Variants in GPX2 observed in about 807,000 individuals in gnomAD.
GPX2 encodes the protein glutathione peroxidase 2, also known as gastrointestinal glutathione peroxidase.
GPX2 carries 21 observed loss-of-function variants against 14.1 expected under a neutral mutation model. The ratio of observed to expected loss-of-function variants is 1.48; its 90% CI spans 1.05 to 2.14. GPX2 has a LOEUF of 2.14. GPX2 is among the 30% of genes most tolerant of loss of function. GPX2 has a pLI of 0.00. For synonymous variants in GPX2, 94 were observed against 95.2 expected (o/e 0.99, Z 0.07); for missense variants, 241 against 249.8 (o/e 0.96, Z 0.24).
chr14:64,942,522 T>G lies in GPX2; in HGVS notation c.205A>C (p.Asn69His). 2.5e-6 allele frequency: 4 copies of G among 1,614,108 alleles called. No homozygotes were observed. The highest frequency in any genetic ancestry group is 3.4e-6 in the Non-Finnish European group (4 of 1,180,012). ...CCCCTCACCTGATGTCCAAATTGGT[T>G]GCAAGGGAAGCCAAGGACCACCAGG... ...RRLVVLGFPC[N>H]QFGHQENCQN... The change falls in exon 1 of 2, where the codon AAC (asparagine) becomes CAC (histidine). Residue 69 changes from asparagine to histidine, a missense_variant. Transcript: ENST00000389614.
At chr14:64,942,439 C>T (rs1433910493) in intron 1 of GPX2, 66 bp downstream of exon 1, 2 of 1,285,846 alleles carry the variant, frequency 1.6e-6, no homozygotes, top group African/African-American at 2.9e-5. Flanking sequence ...TTCAGCCTCT[C>T]CTTTTATCCC....
In GPX2 at chr14:64,940,265, C is replaced by CCCATGCTTTGGCTGCTCTTCAAGATTT; in HGVS notation, c.223-428_223-427insAAATCTTGAAGAGCAGCCAAAGCATGG. On this transcript the variant is annotated intron_variant, in intron 1 of 1. Transcript: ENST00000389614. This position sits in a 1 kb window ranked among gnomAD's most constrained non-coding sequence, Gnocchi z 4.5. ...GTTATACTGCTTAGAACCTCCTCTTCAACTAACCTACCGACCCACCTACCC... is the reference window on the plus strand; with the variant it reads ...GTTATACTGCTTAGAACCTCCTCTTCCCATGCTTTGGCTGCTCTTCAAGATTTAACTAACCTACCGACCCACCTACCC... 1 of 981,022 alleles carries CCCATGCTTTGGCTGCTCTTCAAGATTT rather than the reference C, an allele frequency of 1.0e-6. No individual in the cohort carries two copies. Among genetic ancestry groups the CCCATGCTTTGGCTGCTCTTCAAGATTT allele is most frequent in the Non-Finnish European group, 1.4e-6 (1 of 706,790 alleles). 60.8% of individuals were successfully genotyped at this position (981,022 alleles called of 1,614,324 possible).
chr14:64,939,420 G>A lies in GPX2; in HGVS notation c.*68C>T, dbSNP rs1348601535. On this transcript the variant is annotated 3_prime_UTR_variant, in exon 2 of 2. Coordinates refer to ENST00000389614, the MANE Select transcript of GPX2 (RefSeq NM_002083.4). This position sits in a 1 kb window ranked among gnomAD's most constrained non-coding sequence, Gnocchi z 5.7. ...TGAGGTCCAGCAGTGTCTCCTGAAG[G>A]CATGCTGCATCCTAAGGCTCCTCAG... The A allele has an allele frequency of 5.8e-6, 7 of 1,203,516 alleles. No homozygotes were observed. The South Asian group carries it at 8.2e-5, about 14-fold the overall frequency. 74.6% of individuals were successfully genotyped at this position (1,203,516 alleles called of 1,614,324 possible). A position where few individuals can be genotyped will look rare whatever the true frequency, so the allele number is the denominator to read the frequency against.
Position 64,939,897 on chromosome 14 carries a change from A to G in GPX2, c.223-59T>C. On this transcript the variant is annotated intron_variant, in intron 1 of 1. Transcript: ENST00000389614. This position sits in a 1 kb window ranked among gnomAD's most constrained non-coding sequence, Gnocchi z 5.7. Reference sequence around the variant, plus strand: ...TGGGTGGGGGAAGAGAAAGATCCACAACATGAAACTCTTTCACCCTCCTAC... The same window carrying G: ...TGGGTGGGGGAAGAGAAAGATCCACGACATGAAACTCTTTCACCCTCCTAC... 6.4e-7 allele frequency: 1 copy of G among 1,572,784 alleles called. No individual in the cohort carries two copies. The highest frequency in any genetic ancestry group is 8.6e-7 in the Non-Finnish European group (1 of 1,158,558).
chr14:64,942,637 G>C lies in GPX2; in HGVS notation c.90C>G (p.Ala30=), dbSNP rs780236344. 12 of 1,614,040 alleles carry C rather than the reference G, an allele frequency of 7.4e-6. No individual in the cohort carries two copies. Among genetic ancestry groups the C allele is most frequent in the Admixed American group, 6.7e-5 (4 of 60,008 alleles). Residue 30 remains alanine, a synonymous_variant, in exon 1 of 2, where the codon GCC becomes GCG. Transcript: ENST00000389614. ...KVDFNTFRGR[A]VLIENVASLU... ...GCGAAGCCACATTCTCAATCAGCAC[G>C]GCCCTGCCCCGGAACGTATTGAAAT...
At chr14:64,941,581 T>C in intron 1 of GPX2, 1 of 1,255,368 alleles carries the variant, frequency 8.0e-7, no homozygotes, top group Non-Finnish European at 1.0e-6. Flanking sequence ...AGTGAACAGT[T>C]TGGGCTCAGG....
intron 1 of GPX2, among the ~76,000 whole-genome samples, chr14:64,942,278 A>G (rs1241239418): frequency 6.6e-6 from 1 of 152,244 alleles, no homozygotes; most frequent in African/African-American, 2.4e-5. Flanking sequence ...TCATGGAGTA[A>G]TATAGTAGAA....
chr14:64,941,501 G>C, intron 1 of GPX2: 2 of 1,288,536 alleles, frequency 1.6e-6, no homozygotes, highest in Non-Finnish European at 2.0e-6. Flanking sequence ...CTCGAAAGAG[G>C]GTTTGCTACT....
At position 64,940,184 on chromosome 14, in the gene GPX2, C is replaced by G; in HGVS notation, c.223-346G>C. On this transcript the variant is annotated intron_variant, in intron 1 of 1. Coordinates refer to ENST00000389614, the MANE Select transcript of GPX2 (RefSeq NM_002083.4). The surrounding 1 kb of genome is among the most constrained non-coding windows in gnomAD (Gnocchi z 4.5). ...CTGAGCTGTTGCTTTTGTCTCCAGTCTACCCTGAGCAGTTCTTAAGGTGTT... is the reference window on the plus strand; with the variant it reads ...CTGAGCTGTTGCTTTTGTCTCCAGTGTACCCTGAGCAGTTCTTAAGGTGTT... 2 of 1,321,726 alleles carry G rather than the reference C, an allele frequency of 1.5e-6. No individual in the cohort carries two copies. Among genetic ancestry groups the G allele is most frequent in the Non-Finnish European group, 2.0e-6 (2 of 1,010,788 alleles). 81.9% of individuals were successfully genotyped at this position (1,321,726 alleles called of 1,614,324 possible).
chr14:64,939,301 G>T lies in GPX2; in HGVS notation c.*187C>A. ...TTACCCAAGTCTTGGAGCCCAAGTT[G>T]AATCACCAACCAGAGGGTTGGGAGA... On this transcript the variant is annotated 3_prime_UTR_variant, in exon 2 of 2. Coordinates refer to ENST00000389614, the MANE Select transcript of GPX2 (RefSeq NM_002083.4). This position sits in a 1 kb window ranked among gnomAD's most constrained non-coding sequence, Gnocchi z 5.7. 1.6e-6 allele frequency: 1 copy of T among 609,318 alleles called. No individual in the cohort carries two copies. Among genetic ancestry groups the T allele is most frequent in the Non-Finnish European group, 2.9e-6 (1 of 342,446 alleles). 37.7% of individuals were successfully genotyped at this position (609,318 alleles called of 1,614,324 possible). A position where few individuals can be genotyped will look rare whatever the true frequency, so the allele number is the denominator to read the frequency against.
chr14:64,941,540 G>A (rs1885638748), intron 1 of GPX2: 1 of 1,287,062 alleles, frequency 7.8e-7, no homozygotes, highest in South Asian at 1.2e-5. Flanking sequence ...GAAAAGGCCA[G>A]ACAGAAAACT....
rs1292508526 is a variant in GPX2 at position 64,939,666 on chromosome 14, G to C, written c.395C>G (p.Ser132Cys). 1 of 1,614,158 alleles carries C rather than the reference G, an allele frequency of 6.2e-7. No individual in the cohort carries two copies. The highest frequency in any genetic ancestry group is 1.1e-5 in the South Asian group (1 of 91,088). ...KLPYPYDDPFSLMTDPKLIIW... is the reference protein window; with the variant it reads ...KLPYPYDDPFCLMTDPKLIIW... Reference sequence around the variant, plus strand: ...GATGAGCTTGGGATCGGTCATGAGGGAAAATGGGTCATCATAAGGGTAGGG... The same window carrying C: ...GATGAGCTTGGGATCGGTCATGAGGCAAAATGGGTCATCATAAGGGTAGGG... Residue 132 changes from serine to cysteine, a missense_variant, in exon 2 of 2, where the codon TCC (serine) becomes TGC (cysteine). Transcript: ENST00000389614. This position sits in a 1 kb window ranked among gnomAD's most constrained non-coding sequence, Gnocchi z 5.7.
Position 64,939,922 on chromosome 14 carries a change from C to T in GPX2, c.223-84G>A. The T allele has an allele frequency of 6.6e-7, 1 of 1,518,296 alleles. No homozygotes were observed. The allele number at this position is 1,518,296 out of a possible 1,614,324, so 94.1% of individuals were successfully genotyped here. A position where few individuals can be genotyped will look rare whatever the true frequency, so the allele number is the denominator to read the frequency against. On this transcript the variant is annotated intron_variant, in intron 1 of 1. Coordinates refer to ENST00000389614, the MANE Select transcript of GPX2 (RefSeq NM_002083.4). The surrounding 1 kb of genome is among the most constrained non-coding windows in gnomAD (Gnocchi z 5.7). ...AACATGAAACTCTTTCACCCTCCTA[C>T]ACTCCCTCCCCAGGGTCATTCTTTT... is the stretch of plus-strand genomic sequence containing the variant.
Position 64,939,999 on chromosome 14 carries a change from CT to C in GPX2, c.223-162del. On this transcript the variant is annotated intron_variant, in intron 1 of 1. Coordinates refer to ENST00000389614, the MANE Select transcript of GPX2 (RefSeq NM_002083.4). The surrounding 1 kb of genome is among the most constrained non-coding windows in gnomAD (Gnocchi z 5.7). ...CAGACGAGGTGTTGCTCACTGCAGC[CT>C]TGAACTTCTGGGCTCAAGCATTCCT... The C allele has an allele frequency of 6.8e-7, 1 of 1,473,798 alleles. No individual in the cohort carries two copies. The highest frequency in any genetic ancestry group is 1.4e-5 in the African/African-American group (1 of 70,684). The allele number at this position is 1,473,798 out of a possible 1,614,324, so 91.3% of individuals were successfully genotyped here.
chr14:64,939,385 A>C lies in GPX2; in HGVS notation c.*103T>G. On this transcript the variant is annotated 3_prime_UTR_variant, in exon 2 of 2. Transcript: ENST00000389614. This position sits in a 1 kb window ranked among gnomAD's most constrained non-coding sequence, Gnocchi z 5.7. Reference sequence around the variant, plus strand: ...CTCTGCAGTGAAGGGGACTGATATCAAGGGAATGCTGAGGTCCAGCAGTGT... The same window carrying C: ...CTCTGCAGTGAAGGGGACTGATATCCAGGGAATGCTGAGGTCCAGCAGTGT... 1 of 849,498 alleles carries C rather than the reference A, an allele frequency of 1.2e-6. No individual in the cohort carries two copies. Among genetic ancestry groups the C allele is most frequent in the Non-Finnish European group, 1.9e-6 (1 of 519,930 alleles). 52.6% of individuals were successfully genotyped at this position (849,498 alleles called of 1,614,324 possible).
At chr14:64,941,073 G>GT (rs1252883767) in intron 1 of GPX2, among the ~76,000 whole-genome samples, 3 of 151,908 alleles carry the variant, frequency 2.0e-5, no homozygotes, top group Non-Finnish European at 2.9e-5. Flanking sequence ...TTTTGTTTCT[G>GT]TTTTTTTTCC....
In GPX2 at chr14:64,939,875, G is replaced by A. The variant is rs374730221; in HGVS notation, c.223-37C>T. 2 of 1,599,588 alleles carry A rather than the reference G, an allele frequency of 1.3e-6. No individual in the cohort carries two copies. The highest frequency in any genetic ancestry group is 1.7e-6 in the Non-Finnish European group (2 of 1,171,336). ...AAAAGACAAAGTGCGTGGACAGTGG[G>A]TGGGGGAAGAGAAAGATCCACAACA... is the stretch of plus-strand genomic sequence containing the variant. On this transcript the variant is annotated intron_variant, in intron 1 of 1. Transcript: ENST00000389614. The surrounding 1 kb of genome is among the most constrained non-coding windows in gnomAD (Gnocchi z 5.7).
chr14:64,941,445 A>G, intron 1 of GPX2: 1 of 1,288,600 alleles, frequency 7.8e-7, no homozygotes, highest in South Asian at 1.2e-5. Context: ...TGCTAGGCTG[A>G]AGAGATGGTG....
rs563700463 is a variant in GPX2, at chr14:64,941,739, A to G, written c.222+766T>C. ...GTACGTTAAAATCATAGGTGGAAAT[A>G]GAAGAATCCCTAAAAGAGAACTCGA... On this transcript the variant is annotated intron_variant, in intron 1 of 1. Transcript: ENST00000389614. Among the ~76,000 whole-genome samples the G allele has an allele frequency of 4.3e-4, 66 of 152,348 alleles. 1 individual carries two copies. The highest frequency in any genetic ancestry group is 3.4e-3 in the Middle Eastern group (1 of 294).
Sources: allele counts gnomAD v4.1 joint callset (sites outside exome capture counted in the v4.1 genomes callset), GRCh38; gene constraint gnomAD v4.1.1; non-coding constraint Gnocchi (gnomAD v3.1); transcripts MANE v1.5; gene names NCBI Gene and HGNC (gene_info 2026-07-23, HGNC 2026-07-21).